Variants in SKAP2 observed in about 807,000 individuals in gnomAD.
The protein encoded by SKAP2 is src kinase associated phosphoprotein 2, also known as src kinase-associated phosphoprotein 2.
In SKAP2, 28 loss-of-function variants were observed where a neutral mutation model predicts 54.9. That is an observed-to-expected ratio of 0.51 (90% CI 0.38 to 0.70). The LOEUF (loss-of-function observed/expected upper bound fraction) is 0.70, where lower values mean the gene tolerates loss of function less well. Among genes scored for constraint, SKAP2 ranks in the 30% least tolerant of loss-of-function variants. The pLI is 0.00. For synonymous variants in SKAP2, 137 were observed against 134.3 expected, an observed-to-expected ratio of 1.02 and a Z score of -0.14; for missense variants, 356 against 424.1, an observed-to-expected ratio of 0.84 and a Z score of 1.41.
intron 6 of SKAP2, among the ~76,000 whole-genome samples, chr7:26,733,760 A>G (rs980625174): frequency 2.0e-5 from 3 of 152,182 alleles, no homozygotes; most frequent in Non-Finnish European, 4.4e-5. Flanking sequence ...TTTATTATAT[A>G]TTGAAAAGAT....
chr7:26,853,309 T>C (rs933067806), intron 3 of SKAP2, among the ~76,000 whole-genome samples: 1 of 152,130 alleles, frequency 6.6e-6, no homozygotes, highest in Non-Finnish European at 1.5e-5. Context: ...AGAACCTAGC[T>C]CCATGGAGGT....
At chr7:26,707,986 A>G (rs925288695) in intron 9 of SKAP2, among the ~76,000 whole-genome samples, 3 of 152,212 alleles carry the variant, frequency 2.0e-5, no homozygotes, top group Non-Finnish European at 2.9e-5. Flanking sequence ...AACCCAGGGC[A>G]TACAGCACTC....
intron 4 of SKAP2, among the ~76,000 whole-genome samples, chr7:26,788,041 A>G (rs1783595261): frequency 6.6e-6 from 1 of 152,052 alleles, no homozygotes; most frequent in Admixed American, 6.6e-5. Context: ...TCATATCACC[A>G]CCTCTTTTCA....
chr7:26,725,040 C>A (rs1787671015), intron 9 of SKAP2, among the ~76,000 whole-genome samples: 1 of 152,030 alleles, frequency 6.6e-6, no homozygotes, highest in Admixed American at 6.6e-5. Flanking sequence ...CATAGAACTT[C>A]TGGTTAATGG....
At chr7:26,846,712 G>A (rs1784928684) in intron 3 of SKAP2, among the ~76,000 whole-genome samples, 1 of 152,306 alleles carries the variant, frequency 6.6e-6, no homozygotes, top group Non-Finnish European at 1.5e-5. Context: ...CGGGTGCGGT[G>A]GCTCACGCCT....
intron 6 of SKAP2, 147 bp from the exon 7 acceptor site, chr7:26,727,153 A>G (rs1787725823): frequency 1.7e-6 from 1 of 584,912 alleles, no homozygotes; most frequent in South Asian, 2.6e-5. Flanking sequence ...ATGTTTTTAG[A>G]AATCATTTTT....
intron 4 of SKAP2, among the ~76,000 whole-genome samples, chr7:26,764,744 G>A (rs879688207): frequency 5.3e-5 from 8 of 152,008 alleles, no homozygotes; most frequent in Non-Finnish European, 1.0e-4. Context: ...TCTAACACGG[G>A]GTTTCACTGT....
chr7:26,713,189 G>C (rs1787347203), intron 9 of SKAP2, among the ~76,000 whole-genome samples: 1 of 152,216 alleles, frequency 6.6e-6, no homozygotes, highest in South Asian at 2.1e-4. Context: ...TGCCTGGAAA[G>C]TGCTTCGTTT....
intron 4 of SKAP2, among the ~76,000 whole-genome samples, chr7:26,798,987 A>C (rs925586233): frequency 6.6e-6 from 1 of 151,538 alleles, no homozygotes; most frequent in Non-Finnish European, 1.5e-5. Context: ...AGAGGAAGAC[A>C]AGAAAGGAAA....
At chr7:26,758,029 G>C (rs527345841) in intron 4 of SKAP2, among the ~76,000 whole-genome samples, 7 of 152,174 alleles carry the variant, frequency 4.6e-5, no homozygotes, top group Non-Finnish European at 5.9e-5. Context: ...CCAAAGTGCT[G>C]GGATTACGGG....
At chr7:26,826,294 T>C (rs890616272) in intron 4 of SKAP2, among the ~76,000 whole-genome samples, 3 of 152,206 alleles carry the variant, frequency 2.0e-5, no homozygotes, top group Admixed American at 6.5e-5. Context: ...AGCCATCCTA[T>C]GGGTACAGTG....
At chr7:26,681,994 C>T (rs212846) in intron 11 of SKAP2, among the ~76,000 whole-genome samples, 78,646 of 151,834 alleles carry the variant, frequency 0.52, 21,634 homozygotes, top group East Asian at 0.88. Flanking sequence ...TCATTCTGAG[C>T]CACTAGATGG....
intron 4 of SKAP2, among the ~76,000 whole-genome samples, chr7:26,833,392 C>T (rs560036158): frequency 9.3e-4 from 85 of 91,776 alleles, no homozygotes; most frequent in African/African-American, 2.7e-3. Flanking sequence ...AGCAAGACTC[C>T]GTCTCAAAAA....
chr7:26,726,980 T>C lies in SKAP2; in HGVS notation c.496A>G (p.Ile166Val), dbSNP rs369201328. Residue 166 changes from isoleucine (I) to valine (V), a missense_variant, in exon 7 of 13, where the codon ATA becomes GTA. Coordinates refer to ENST00000345317, the MANE Select transcript of SKAP2 (RefSeq NM_003930.5). ...KDKQQKGEFA[I>V]DGYSVRMNNT... ...TTCATTCTGACACTGTAGCCATCTA[T>C]TGCAAATTCACCTTTCTGTTGTTTG... The C allele has an allele frequency of 4.4e-6, 7 of 1,604,068 alleles. No homozygotes were observed. Among genetic ancestry groups the C allele is most frequent in the South Asian group, 3.4e-5 (3 of 88,948 alleles).
At chr7:26,851,392 C>T (rs949681267) in intron 3 of SKAP2, among the ~76,000 whole-genome samples, 1 of 152,046 alleles carries the variant, frequency 6.6e-6, no homozygotes, top group Non-Finnish European at 1.5e-5. Flanking sequence ...TGCACTGAGC[C>T]AAGATGGTGC....
At chr7:26,710,844 G>A (rs1272772048) in intron 9 of SKAP2, among the ~76,000 whole-genome samples, 1 of 152,092 alleles carries the variant, frequency 6.6e-6, no homozygotes, top group Non-Finnish European at 1.5e-5. Context: ...AGGAGGTTTT[G>A]AATTCTTTTA....
intron 4 of SKAP2, among the ~76,000 whole-genome samples, chr7:26,754,422 T>C (rs1584370353): frequency 6.8e-6 from 1 of 146,656 alleles, no homozygotes; most frequent in East Asian, 2.0e-4. Context: ...AAAACCCAAC[T>C]GACAAATATA....
intron 4 of SKAP2, among the ~76,000 whole-genome samples, chr7:26,772,942 C>G (rs138139549): frequency 6.6e-6 from 1 of 152,180 alleles, no homozygotes; most frequent in South Asian, 2.1e-4. Context: ...CCAGTGAGAT[C>G]GCTAACTCTG....
rs375826440 is a variant in SKAP2, at chr7:26,854,153, C to G, written c.183G>C (p.Gln61His). Reference sequence around the variant, plus strand: ...AAAACTTACCTTTGTCTTGAAATTCCTGAAGATAGCTACAAAACAAAGAAC... The same window carrying G: ...AAAACTTACCTTTGTCTTGAAATTCGTGAAGATAGCTACAAAACAAAGAAC... ...KIKDVKSIYL[Q>H]EFQDKGDAED... Residue 61 changes from glutamine to histidine, a missense_variant, in exon 3 of 13, where the codon CAG becomes CAC. Coordinates refer to ENST00000345317, the MANE Select transcript of SKAP2 (RefSeq NM_003930.5). The G allele has an allele frequency of 2.4e-5, 38 of 1,582,006 alleles. No homozygotes were observed. The African/African-American group carries it at 4.6e-4, about 19-fold the overall frequency.
Sources: allele counts gnomAD v4.1 joint callset (sites outside exome capture counted in the v4.1 genomes callset), GRCh38; gene constraint gnomAD v4.1.1; transcripts MANE v1.5; gene names NCBI Gene and HGNC (gene_info 2026-07-23, HGNC 2026-07-21).